PHACTR3: variants seen among roughly 807,000 people sequenced by gnomAD.
The protein encoded by PHACTR3 is protein phosphatase 1, regulatory subunit 123.
A neutral mutation model predicts 66.8 loss-of-function variants in PHACTR3; 16 were observed. The observed-to-expected ratio is 0.24, with a 90% CI of 0.16 to 0.36. The LOEUF (loss-of-function observed/expected upper bound fraction) is 0.36, where lower values mean the gene tolerates loss of function less well. PHACTR3 is among the 10% of genes least tolerant of loss of function. The pLI is 1.00. For synonymous variants in PHACTR3, 323 were observed against 292.1 expected (o/e 1.11, Z -1.08); for missense variants, 647 against 719.9 (o/e 0.90, Z 1.16).
At chr20:59,781,832 G>C (rs1042818170) in intron 7 of PHACTR3, among the ~76,000 whole-genome samples, 2 of 152,216 alleles carry the variant, frequency 1.3e-5, no homozygotes, top group Admixed American at 6.5e-5. Flanking sequence ...AGCACAGGGG[G>C]GTTCTAGTGC....
At chr20:59,586,554 T>A (rs984388693) in intron 1 of PHACTR3, among the ~76,000 whole-genome samples, 2 of 152,138 alleles carry the variant, frequency 1.3e-5, no homozygotes. Context: ...GGTTAAACAT[T>A]GGGATGATAA....
At chr20:59,837,223 G>T (rs750891452) in intron 9 of PHACTR3, among the ~76,000 whole-genome samples, 1 of 152,172 alleles carries the variant, frequency 6.6e-6, no homozygotes, top group Admixed American at 6.5e-5. Flanking sequence ...TCTTTATCTA[G>T]TCATTTTCAG....
At chr20:59,763,502 G>T (rs568514601) in intron 4 of PHACTR3, among the ~76,000 whole-genome samples, 2 of 152,336 alleles carry the variant, frequency 1.3e-5, no homozygotes, top group East Asian at 3.9e-4. Context: ...GAGCAAGAGG[G>T]AAGGGAAGGC....
chr20:59,674,387 C>T (rs1245124153), intron 1 of PHACTR3, among the ~76,000 whole-genome samples: 2 of 144,622 alleles, frequency 1.4e-5, no homozygotes, highest in Admixed American at 7.0e-5. Flanking sequence ...CCTTCCCCTT[C>T]TCCTGTTCCT....
At position 59,658,052 on chromosome 20, in the gene PHACTR3, A is replaced by G. The variant is rs1436930841; in HGVS notation, c.118+52920A>G. On this transcript the variant is annotated intron_variant, in intron 1 of 12. Coordinates refer to ENST00000371015, the MANE Select transcript of PHACTR3 (RefSeq NM_080672.5). ...TAATCTCTGACTGTCTTCAAGTTCA[A>G]TGATTCTTTTTTCTACCAATTCAAC... 2.0e-5 allele frequency among the ~76,000 whole-genome samples: 3 copies of G among 151,978 alleles called. 1 individual carries two copies. The highest frequency in any genetic ancestry group is 2.4e-5 in the African/African-American group (1 of 41,368).
In PHACTR3 at chr20:59,604,961, G is replaced by T. The variant is rs1387574867; in HGVS notation, c.-54G>T. 9.6e-6 allele frequency: 12 copies of T among 1,245,580 alleles called. No homozygotes were observed. The highest frequency in any genetic ancestry group is 3.2e-5 in the East Asian group (1 of 31,370). 77.2% of individuals were successfully genotyped at this position (1,245,580 alleles called of 1,614,324 possible). A position where few individuals can be genotyped will look rare whatever the true frequency, so the allele number is the denominator to read the frequency against. ...CTCGCCGGTGACCTTGGCCGCCTCGGATGCTCTGATTCCACGCGGCTCGCT... is the reference window on the plus strand; with the variant it reads ...CTCGCCGGTGACCTTGGCCGCCTCGTATGCTCTGATTCCACGCGGCTCGCT... On this transcript the variant is annotated 5_prime_UTR_variant, in exon 1 of 13. Transcript: ENST00000371015.
chr20:59,674,102 C>T (rs933338700), intron 1 of PHACTR3, among the ~76,000 whole-genome samples: 1 of 151,942 alleles, frequency 6.6e-6, no homozygotes, highest in Non-Finnish European at 1.5e-5. Flanking sequence ...GAATCGGGAG[C>T]CAGCCTCGGC....
At chr20:59,584,481 T>C (rs1191285561) in intron 1 of PHACTR3, among the ~76,000 whole-genome samples, 6 of 152,046 alleles carry the variant, frequency 3.9e-5, no homozygotes, top group African/African-American at 1.2e-4. Context: ...CGTGAGTGTG[T>C]ATATGAGCAA....
At chr20:59,648,288 T>C (rs2035351074) in intron 1 of PHACTR3, among the ~76,000 whole-genome samples, 2 of 151,708 alleles carry the variant, frequency 1.3e-5, no homozygotes, top group Admixed American at 1.3e-4. Context: ...TCCAGCCATT[T>C]TGAGGAAGGA....
At chr20:59,599,866 G>A (rs1333608302), upstream of PHACTR3, among the ~76,000 whole-genome samples, 1 of 152,112 alleles carries the variant, frequency 6.6e-6, no homozygotes, top group Non-Finnish European at 1.5e-5. Flanking sequence ...TCACCAGGAT[G>A]ATTTCCAGCC....
intron 1 of PHACTR3, among the ~76,000 whole-genome samples, chr20:59,589,319 A>G (rs1314941499): frequency 6.6e-6 from 1 of 152,184 alleles, no homozygotes; most frequent in Non-Finnish European, 1.5e-5. Flanking sequence ...ATCCCGATGG[A>G]CCCACCAGCT....
chr20:59,696,114 A>G (rs1242101439), intron 1 of PHACTR3, among the ~76,000 whole-genome samples: 3 of 152,176 alleles, frequency 2.0e-5, no homozygotes, highest in Admixed American at 1.3e-4. Flanking sequence ...GCTTTTCTAT[A>G]TGTTCCTTTA....
chr20:59,723,072 TTCTTTC>T (rs1432468691), intron 1 of PHACTR3, among the ~76,000 whole-genome samples: 2 of 124,264 alleles, frequency 1.6e-5, no homozygotes, highest in Admixed American at 8.4e-5. Flanking sequence ...CTTTCTTTCT[TTCTTTC>T]TTTCTTTCTT....
At chr20:59,645,858 G>A (rs2035266618) in intron 1 of PHACTR3, among the ~76,000 whole-genome samples, 2 of 152,096 alleles carry the variant, frequency 1.3e-5, no homozygotes, top group Admixed American at 1.3e-4. Context: ...AATAAATACG[G>A]CTAGAATTAA....
chr20:59,841,317 G>T (rs2059057148), intron 10 of PHACTR3, 78 bp from the exon 11 acceptor site: 7 of 1,392,464 alleles, frequency 5.0e-6, no homozygotes, highest in Non-Finnish European at 6.8e-6. Flanking sequence ...TTTTTTAAGA[G>T]AAGTGCTGTT....
chr20:59,831,055 C>G (rs1489295066), intron 8 of PHACTR3, among the ~76,000 whole-genome samples: 2 of 152,168 alleles, frequency 1.3e-5, no homozygotes, highest in African/African-American at 4.8e-5. Context: ...CCTGTCTCCT[C>G]TGTGCTACTC....
chr20:59,824,610 A>G (rs1173963510), intron 8 of PHACTR3, among the ~76,000 whole-genome samples: 1 of 152,208 alleles, frequency 6.6e-6, no homozygotes, highest in Admixed American at 6.5e-5. Context: ...GTGCTTGGCT[A>G]TAATGAACAT....
chr20:59,811,894 G>T (rs921196519), intron 8 of PHACTR3, among the ~76,000 whole-genome samples: 1 of 152,184 alleles, frequency 6.6e-6, no homozygotes, highest in Admixed American at 6.5e-5. Context: ...CTGCCTCAGG[G>T]CCCTCTGGAA....
At chr20:59,627,151 C>T (rs1045001678) in intron 1 of PHACTR3, among the ~76,000 whole-genome samples, 1 of 152,178 alleles carries the variant, frequency 6.6e-6, no homozygotes, top group African/African-American at 2.4e-5. Flanking sequence ...GTAAACATCC[C>T]AGGCATGCAT....
Sources: gnomAD v4.1 joint callset for allele counts (sites outside exome capture counted in the v4.1 genomes callset) on GRCh38, gnomAD v4.1.1 for gene constraint, MANE v1.5 for transcripts, NCBI Gene and HGNC (gene_info 2026-07-23, HGNC 2026-07-21) for gene names.